PTPRD: variants seen among roughly 807,000 people sequenced by gnomAD.
PTPRD encodes the protein protein tyrosine phosphatase receptor type D, also known as receptor-type tyrosine-protein phosphatase delta.
Under a neutral mutation model 214.5 loss-of-function variants are expected in PTPRD, and 34 were observed. The observed-to-expected ratio is 0.16, with a 90% CI of 0.12 to 0.21. The LOEUF is 0.21. Ranked by LOEUF, PTPRD falls within the 10% of genes least tolerant of loss-of-function variation. PTPRD has a pLI of 1.00. For missense variants in PTPRD, 2,545 were observed against 2,398.7 expected (o/e 1.06, Z -1.27); for synonymous variants, 1,128 against 845.7 (o/e 1.33, Z -5.79).
intron 2 of PTPRD, among the ~76,000 whole-genome samples, chr9:10,374,460 G>A (rs7864680): frequency 0.043 from 6,472 of 152,058 alleles, 463 homozygotes; most frequent in African/African-American, 0.14. Context: ...AAGCACTCTG[G>A]TCCGTGCTTG....
At chr9:9,521,274 C>T (rs1310442903) in intron 8 of PTPRD, among the ~76,000 whole-genome samples, 4 of 152,132 alleles carry the variant, frequency 2.6e-5, no homozygotes, top group Admixed American at 6.5e-5. Context: ...TCTTAGCTCT[C>T]AATTTCGTGG....
At chr9:10,243,860 C>T (rs2091592286) in intron 3 of PTPRD, among the ~76,000 whole-genome samples, 1 of 152,082 alleles carries the variant, frequency 6.6e-6, no homozygotes, top group Middle Eastern at 3.4e-3. Context: ...TATTTTATGT[C>T]CTGGATTAAT....
At chr9:8,502,367 C>A (rs1469158181) in intron 23 of PTPRD, among the ~76,000 whole-genome samples, 1 of 152,062 alleles carries the variant, frequency 6.6e-6, no homozygotes, top group Non-Finnish European at 1.5e-5. Flanking sequence ...GGGGATTTCC[C>A]TAGACTTTGT....
intron 8 of PTPRD, among the ~76,000 whole-genome samples, chr9:9,498,761 A>T (rs1225470127): frequency 6.6e-6 from 1 of 152,124 alleles, no homozygotes; most frequent in Non-Finnish European, 1.5e-5. Context: ...ACATAGGCAC[A>T]CTAAAATCTA....
intron 9 of PTPRD, among the ~76,000 whole-genome samples, chr9:9,210,176 A>G (rs1490120787): frequency 6.6e-6 from 1 of 152,170 alleles, no homozygotes; most frequent in East Asian, 1.9e-4. Context: ...AAGTCTGGAA[A>G]AGAGAGCCAG....
chr9:9,863,083 T>G (rs1565850559), intron 5 of PTPRD, among the ~76,000 whole-genome samples: 1 of 152,178 alleles, frequency 6.6e-6, no homozygotes, highest in Non-Finnish European at 1.5e-5. Flanking sequence ...AATATTTGAG[T>G]GCCTGAAGTA....
chr9:9,606,473 C>T (rs983657845), intron 7 of PTPRD, among the ~76,000 whole-genome samples: 2 of 152,060 alleles, frequency 1.3e-5, no homozygotes, highest in African/African-American at 4.8e-5. Flanking sequence ...TCTCTATACT[C>T]TTTCCATTAT....
intron 2 of PTPRD, among the ~76,000 whole-genome samples, chr9:10,355,802 T>G (rs1364783541): frequency 1.3e-5 from 2 of 152,078 alleles, no homozygotes; most frequent in Non-Finnish European, 2.9e-5. Context: ...ATCCTTTAAA[T>G]ATATACTTAA....
intron 7 of PTPRD, among the ~76,000 whole-genome samples, chr9:9,586,289 T>A (rs922974563): frequency 6.6e-6 from 1 of 152,062 alleles, no homozygotes; most frequent in African/African-American, 2.4e-5. Context: ...TGTCTCATCC[T>A]TCTACAACCA....
chr9:9,458,753 C>A (rs2093343031), intron 8 of PTPRD, among the ~76,000 whole-genome samples: 1 of 151,994 alleles, frequency 6.6e-6, no homozygotes, highest in South Asian at 2.1e-4. Flanking sequence ...CCTGCCTGGG[C>A]AGCATGTAGA....
At chr9:8,409,340 C>T (rs2093328883) in intron 35 of PTPRD, among the ~76,000 whole-genome samples, 1 of 152,136 alleles carries the variant, frequency 6.6e-6, no homozygotes, top group South Asian at 2.1e-4. Flanking sequence ...AGGCTGAGGG[C>T]CCAGCCACCA....
chr9:8,929,823 A>ATATATT (rs376005513), intron 11 of PTPRD, among the ~76,000 whole-genome samples: 1 of 34,754 alleles, frequency 2.9e-5, no homozygotes, highest in African/African-American at 9.4e-5. Context: ...ATATATGTGT[A>ATATATT]TATATATGTG....
intron 3 of PTPRD, among the ~76,000 whole-genome samples, chr9:10,157,859 C>A (rs1424745277): frequency 1.3e-5 from 2 of 151,960 alleles, no homozygotes; most frequent in African/African-American, 2.4e-5. Context: ...TTTCTCTATT[C>A]TTCTTTGACT....
At chr9:10,345,328 A>G (rs2097052330) in intron 2 of PTPRD, among the ~76,000 whole-genome samples, 1 of 152,184 alleles carries the variant, frequency 6.6e-6, no homozygotes, top group East Asian at 1.9e-4. Context: ...CAGGTTTGTT[A>G]CATAGGTATA....
chr9:9,014,702 T>C (rs1457829468), intron 11 of PTPRD, among the ~76,000 whole-genome samples: 1 of 152,146 alleles, frequency 6.6e-6, no homozygotes, highest in Non-Finnish European at 1.5e-5. Context: ...ATCTATATTG[T>C]GTATGAACAT....
chr9:10,528,668 C>G (rs567968353), intron 2 of PTPRD, among the ~76,000 whole-genome samples: 1 of 152,270 alleles, frequency 6.6e-6, no homozygotes, highest in East Asian at 1.9e-4. Context: ...TGACACACAA[C>G]TTGTCCAGTA....
intron 2 of PTPRD, among the ~76,000 whole-genome samples, chr9:10,383,174 G>A (rs2097853637): frequency 6.6e-6 from 1 of 151,754 alleles, no homozygotes; most frequent in South Asian, 2.1e-4. Context: ...TACAGGTATT[G>A]GCTGTTAGGC....
At chr9:9,875,964 G>T (rs866925218) in intron 5 of PTPRD, among the ~76,000 whole-genome samples, 1 of 152,072 alleles carries the variant, frequency 6.6e-6, no homozygotes, top group Non-Finnish European at 1.5e-5. Flanking sequence ...ACTACTGCAG[G>T]ATCATCTGGA....
chr9:8,352,108 C>G (rs919566498), intron 39 of PTPRD, among the ~76,000 whole-genome samples: 1 of 148,346 alleles, frequency 6.7e-6, no homozygotes, highest in Non-Finnish European at 1.5e-5. Flanking sequence ...AATATGTAGA[C>G]TCAAACTAAA....
Sources: allele counts gnomAD v4.1 joint callset (sites outside exome capture counted in the v4.1 genomes callset), GRCh38; gene constraint gnomAD v4.1.1; transcripts MANE v1.5; gene names NCBI Gene and HGNC (gene_info 2026-07-23, HGNC 2026-07-21).